CTNNA3: variants seen among roughly 807,000 people sequenced by gnomAD.
The protein encoded by CTNNA3 is catenin alpha-3.
CTNNA3 carries 76 observed loss-of-function variants against 95.7 expected under a neutral mutation model. The ratio of observed to expected loss-of-function variants is 0.79; its 90% confidence interval spans 0.66 to 0.96. The LOEUF (loss-of-function observed/expected upper bound fraction) is 0.96, where lower values mean the gene tolerates loss of function less well. Among genes scored for constraint, CTNNA3 ranks in the 40% least tolerant of loss-of-function variants. The pLI, the probability that CTNNA3 is intolerant of heterozygous loss-of-function variation, is 0.00. For missense variants in CTNNA3, 1,191 were observed against 1,089.8 expected (o/e 1.09, Z -1.31); for synonymous variants, 431 against 374.4 (o/e 1.15, Z -1.74).
intron 11 of CTNNA3, among the ~76,000 whole-genome samples, chr10:66,451,664 T>C (rs928961625): frequency 6.6e-6 from 1 of 152,154 alleles, no homozygotes; most frequent in Non-Finnish European, 1.5e-5. Context: ...ATTTCAAGAC[T>C]TTAAGACAAG....
intron 5 of CTNNA3, among the ~76,000 whole-genome samples, chr10:67,360,000 C>G (rs147462375): frequency 1.3e-5 from 2 of 152,104 alleles, no homozygotes; most frequent in Non-Finnish European, 2.9e-5. Flanking sequence ...TAACAGCAGA[C>G]TTCTCAGTAG....
intron 9 of CTNNA3, among the ~76,000 whole-genome samples, chr10:66,743,906 T>G (rs1469741211): frequency 7.5e-6 from 1 of 132,656 alleles, no homozygotes; most frequent in Non-Finnish European, 1.5e-5. Context: ...AACCAGGGAA[T>G]CAGAGGTTGC....
At chr10:66,424,589 T>C (rs2093223394) in intron 11 of CTNNA3, among the ~76,000 whole-genome samples, 1 of 152,082 alleles carries the variant, frequency 6.6e-6, no homozygotes, top group African/African-American at 2.4e-5. Flanking sequence ...TCACACATAA[T>C]TTTCTGTATT....
intron 12 of CTNNA3, among the ~76,000 whole-genome samples, chr10:66,302,617 C>T (rs112317971): frequency 6.6e-6 from 1 of 152,044 alleles, no homozygotes; most frequent in Non-Finnish European, 1.5e-5. Flanking sequence ...TGCACCAATG[C>T]TAATTAATTA....
At chr10:67,149,797 C>CA (rs1415677659) in intron 7 of CTNNA3, among the ~76,000 whole-genome samples, 1 of 152,154 alleles carries the variant, frequency 6.6e-6, no homozygotes, top group African/African-American at 2.4e-5. Flanking sequence ...TCAAAGAATG[C>CA]AGCTCCTGCG....
intron 5 of CTNNA3, among the ~76,000 whole-genome samples, chr10:67,221,831 C>T (rs1864674088): frequency 6.6e-6 from 1 of 152,082 alleles, no homozygotes; most frequent in African/African-American, 2.4e-5. Flanking sequence ...GCCTCGGCCT[C>T]CCAAAGTGGA....
intron 13 of CTNNA3, among the ~76,000 whole-genome samples, chr10:66,272,572 AC>A (rs1331086520): frequency 6.6e-6 from 1 of 152,016 alleles, no homozygotes; most frequent in Non-Finnish European, 1.5e-5. Context: ...GAGACAATGC[AC>A]CACAGGGCCT....
At chr10:67,510,638 G>T (rs1439706880) in intron 5 of CTNNA3, among the ~76,000 whole-genome samples, 1 of 152,110 alleles carries the variant, frequency 6.6e-6, no homozygotes, top group African/African-American at 2.4e-5. Context: ...GATGCTTCCA[G>T]TTTTGTTCTT....
intron 7 of CTNNA3, among the ~76,000 whole-genome samples, chr10:67,007,609 GC>G (rs1852073167): frequency 1.3e-5 from 2 of 151,744 alleles, no homozygotes; most frequent in Admixed American, 1.3e-4. Context: ...TAAGGTAAAG[GC>G]TTTTTTCTGA....
intron 9 of CTNNA3, among the ~76,000 whole-genome samples, chr10:66,751,911 A>G (rs958842982): frequency 2.6e-5 from 4 of 152,172 alleles, no homozygotes; most frequent in Admixed American, 6.5e-5. Flanking sequence ...AAATGTTTGA[A>G]TGCTAAAAAC....
chr10:67,574,844 G>T (rs1416475018), intron 3 of CTNNA3, among the ~76,000 whole-genome samples: 1 of 152,080 alleles, frequency 6.6e-6, no homozygotes, highest in African/African-American at 2.4e-5. Flanking sequence ...GCCTCCCAAA[G>T]TGTTGGGATT....
intron 14 of CTNNA3, among the ~76,000 whole-genome samples, chr10:66,077,355 G>A (rs1256667250): frequency 6.6e-6 from 1 of 151,580 alleles, no homozygotes; most frequent in Non-Finnish European, 1.5e-5. Flanking sequence ...ACAATTTTTT[G>A]TGGAGGCATG....
rs574014204 is a variant in CTNNA3 at position 66,026,027 on chromosome 10, C to T, written c.2160-37230G>A. Among the ~76,000 whole-genome samples, 3 of 152,246 alleles carry T rather than the reference C, an allele frequency of 2.0e-5. No individual in the cohort carries two copies. In the South Asian group the frequency reaches 6.2e-4, roughly 32 times the overall value. ...AATATTAGTTTGTTTTACATCTCCC[C>T]CTTCAGTCACCTGTTTTGAATTTTT... On this transcript the variant is annotated intron_variant, in intron 15 of 17. Transcript: ENST00000433211.
intron 13 of CTNNA3, among the ~76,000 whole-genome samples, chr10:66,266,082 GA>G (rs2091143483): frequency 6.7e-6 from 1 of 149,484 alleles, no homozygotes; most frequent in Non-Finnish European, 1.5e-5. Context: ...AGAGAGAGAG[GA>G]AGGGGGGGAG....
intron 7 of CTNNA3, among the ~76,000 whole-genome samples, chr10:66,967,809 TAAGA>T (rs1329516605): frequency 6.6e-6 from 1 of 152,096 alleles, no homozygotes; most frequent in African/African-American, 2.4e-5. Context: ...CAAATCCTGT[TAAGA>T]AAGAATATAT....
At chr10:67,458,210 T>C (rs1368476980) in intron 5 of CTNNA3, among the ~76,000 whole-genome samples, 1 of 152,104 alleles carries the variant, frequency 6.6e-6, no homozygotes, top group East Asian at 1.9e-4. Context: ...TGTGTGAACA[T>C]CTTCTTCTTG....
chr10:66,556,330 A>G (rs1232653464), intron 10 of CTNNA3, among the ~76,000 whole-genome samples: 1 of 152,078 alleles, frequency 6.6e-6, no homozygotes, highest in Non-Finnish European at 1.5e-5. Flanking sequence ...TAAAAATAGA[A>G]CTACCATATG....
intron 5 of CTNNA3, among the ~76,000 whole-genome samples, chr10:67,259,243 T>C (rs551478364): frequency 6.6e-6 from 1 of 152,148 alleles, no homozygotes; most frequent in Non-Finnish European, 1.5e-5. Flanking sequence ...TTCTGCGGAG[T>C]GAAACCCAAG....
At chr10:67,476,687 G>A (rs1352650618) in intron 5 of CTNNA3, among the ~76,000 whole-genome samples, 1 of 151,086 alleles carries the variant, frequency 6.6e-6, no homozygotes, top group African/African-American at 2.4e-5. Flanking sequence ...CAGGTGTTTG[G>A]AGAACCCACT....
Sources: allele counts gnomAD v4.1 joint callset (sites outside exome capture counted in the v4.1 genomes callset), GRCh38; gene constraint gnomAD v4.1.1; transcripts MANE v1.5; gene names NCBI Gene and HGNC (gene_info 2026-07-23, HGNC 2026-07-21).